PLPPR1: variants seen among roughly 807,000 people sequenced by gnomAD.
PLPPR1 encodes phospholipid phosphatase-related protein type 1.
Under a neutral mutation model 33.1 loss-of-function variants are expected in PLPPR1, and 10 were observed. The ratio of observed to expected loss-of-function variants is 0.30; its 90% CI spans 0.19 to 0.51. PLPPR1 has a LOEUF of 0.51. Ranked by LOEUF, PLPPR1 falls within the 20% of genes least tolerant of loss-of-function variation. The pLI is 0.97. For missense variants in PLPPR1, 304 were observed against 408.1 expected (o/e 0.74, Z 2.20); for synonymous variants, 151 against 151.0 (o/e 1.00, Z 0.00).
intron 3 of PLPPR1, among the ~76,000 whole-genome samples, chr9:101,280,693 G>GA (rs35583067): frequency 6.6e-6 from 1 of 152,022 alleles, no homozygotes; most frequent in Non-Finnish European, 1.5e-5. Flanking sequence ...CATTAATGCT[G>GA]AAAAAAGTAT....
intron 1 of PLPPR1, among the ~76,000 whole-genome samples, chr9:101,056,649 A>C (rs1195823848): frequency 6.6e-6 from 1 of 152,196 alleles, no homozygotes; most frequent in Non-Finnish European, 1.5e-5. Context: ...TCATCACAGA[A>C]TATAGCCTGA....
chr9:101,187,341 T>C (rs908758000), intron 2 of PLPPR1: 1 of 151,794 alleles, frequency 6.6e-6, no homozygotes, highest in Non-Finnish European at 1.5e-5. Flanking sequence ...TTTTCAGCTC[T>C]CTAATGTGTG....
intron 2 of PLPPR1, among the ~76,000 whole-genome samples, chr9:101,202,873 T>C (rs2118751094): frequency 6.6e-6 from 1 of 152,326 alleles, no homozygotes; most frequent in South Asian, 2.1e-4. Flanking sequence ...ATAGTCAGTG[T>C]ACTTCTGAAT....
chr9:101,084,371 G>A (rs1830653305), intron 1 of PLPPR1, among the ~76,000 whole-genome samples: 1 of 152,220 alleles, frequency 6.6e-6, no homozygotes, highest in Non-Finnish European at 1.5e-5. Flanking sequence ...AGTGAAAGCA[G>A]TGTGGCAATG....
At chr9:101,147,002 T>A (rs1446237228) in intron 1 of PLPPR1, among the ~76,000 whole-genome samples, 1 of 152,194 alleles carries the variant, frequency 6.6e-6, no homozygotes, top group East Asian at 1.9e-4. Flanking sequence ...CGCTATGACA[T>A]TTTTAAAACA....
chr9:101,142,789 A>G (rs543084113), intron 1 of PLPPR1, among the ~76,000 whole-genome samples: 44 of 152,010 alleles, frequency 2.9e-4, no homozygotes, highest in South Asian at 1.0e-3. Context: ...GATGAACAGG[A>G]CAGACAAAGC....
chr9:101,033,110 T>A (rs577627388), intron 1 of PLPPR1, among the ~76,000 whole-genome samples: 1 of 152,192 alleles, frequency 6.6e-6, no homozygotes, highest in South Asian at 2.1e-4. Flanking sequence ...GTTCCAGCCA[T>A]CAACACTGCA....
At chr9:101,107,756 C>G (rs1383947555) in intron 1 of PLPPR1, among the ~76,000 whole-genome samples, 4 of 99,720 alleles carry the variant, frequency 4.0e-5, no homozygotes, top group African/African-American at 1.4e-4. Flanking sequence ...GCCTCGTTGC[C>G]GCCTTGCAGT....
intron 1 of PLPPR1, among the ~76,000 whole-genome samples, chr9:101,169,270 C>G (rs1266289508): frequency 6.6e-6 from 1 of 152,090 alleles, no homozygotes; most frequent in Non-Finnish European, 1.5e-5. Flanking sequence ...TTCTTTCAGC[C>G]TTTGATTTTA....
chr9:101,170,631 T>C (rs1341524983), intron 1 of PLPPR1, among the ~76,000 whole-genome samples: 1 of 152,146 alleles, frequency 6.6e-6, no homozygotes, highest in Non-Finnish European at 1.5e-5. Flanking sequence ...GTGGCAAAAC[T>C]TTCCCACTGA....
At chr9:101,298,634 G>A (rs966811837) in intron 4 of PLPPR1, among the ~76,000 whole-genome samples, 2 of 151,960 alleles carry the variant, frequency 1.3e-5, no homozygotes, top group African/African-American at 2.4e-5. Context: ...CAGCTGGGGG[G>A]CCGGTCATGT....
chr9:101,219,589 C>G (rs145039724), intron 2 of PLPPR1, among the ~76,000 whole-genome samples: 11 of 152,080 alleles, frequency 7.2e-5, no homozygotes, highest in Admixed American at 6.5e-4. Context: ...GTCAGTAGAT[C>G]GTTAATGATA....
chr9:101,275,123 A>G (rs1828165695), intron 3 of PLPPR1, among the ~76,000 whole-genome samples: 1 of 152,208 alleles, frequency 6.6e-6, no homozygotes, highest in African/African-American at 2.4e-5. Context: ...ATGGAGTATA[A>G]TGAAGCGTGA....
intron 1 of PLPPR1, among the ~76,000 whole-genome samples, chr9:101,135,449 T>G (rs1831366720): frequency 6.6e-6 from 1 of 152,206 alleles, no homozygotes; most frequent in South Asian, 2.1e-4. Context: ...CTTATTTCTG[T>G]CCCTGCCAGG....
At chr9:101,211,783 T>C (rs1256546475) in intron 2 of PLPPR1, among the ~76,000 whole-genome samples, 1 of 152,160 alleles carries the variant, frequency 6.6e-6, no homozygotes. Context: ...TAAAAATGGA[T>C]CTTTCATTTA....
At chr9:101,066,323 C>A (rs1830413399) in intron 1 of PLPPR1, among the ~76,000 whole-genome samples, 1 of 151,954 alleles carries the variant, frequency 6.6e-6, no homozygotes, top group Admixed American at 6.6e-5. Flanking sequence ...ACCTTGATCA[C>A]CTGGCTGAGA....
intron 5 of PLPPR1, among the ~76,000 whole-genome samples, chr9:101,311,909 A>T (rs1303557538): frequency 1.1e-4 from 17 of 152,162 alleles, no homozygotes; most frequent in Admixed American, 8.5e-4. Flanking sequence ...AAGGTTAGCT[A>T]AAAAAGTGTA....
At chr9:101,286,994 G>C (rs1828405051) in intron 4 of PLPPR1, among the ~76,000 whole-genome samples, 1 of 151,858 alleles carries the variant, frequency 6.6e-6, no homozygotes, top group Non-Finnish European at 1.5e-5. Flanking sequence ...AACTGAGAAA[G>C]TGAGGGTCAG....
intron 2 of PLPPR1, among the ~76,000 whole-genome samples, chr9:101,211,874 A>G (rs1021947492): frequency 1.3e-4 from 20 of 152,330 alleles, no homozygotes; most frequent in African/African-American, 4.8e-4. Flanking sequence ...AATCCTTGTA[A>G]CAAGCCTATG....
Sources: allele counts gnomAD v4.1 joint callset (sites outside exome capture counted in the v4.1 genomes callset), GRCh38; gene constraint gnomAD v4.1.1; transcripts MANE v1.5; gene names NCBI Gene and HGNC (gene_info 2026-07-23, HGNC 2026-07-21).